Variants in FBXL17 observed in about 807,000 individuals in gnomAD.
FBXL17 encodes F-box and leucine rich repeat protein 17, also known as F-box/LRR-repeat protein 17.
In FBXL17, 22 loss-of-function variants were observed where a neutral mutation model predicts 66.2. The ratio of observed to expected loss-of-function variants is 0.33; its 90% CI spans 0.24 to 0.47. The LOEUF (loss-of-function observed/expected upper bound fraction) is 0.47, where lower values mean the gene tolerates loss of function less well. Ranked by LOEUF, FBXL17 falls within the 20% of genes least tolerant of loss-of-function variation. The pLI is 1.00. For missense variants in FBXL17, 878 were observed against 948.2 expected (o/e 0.93, Z 0.97); for synonymous variants, 474 against 400.5 (o/e 1.18, Z -2.19).
At chr5:108,151,555 G>C (rs1451026709) in intron 6 of FBXL17, among the ~76,000 whole-genome samples, 1 of 152,092 alleles carries the variant, frequency 6.6e-6, no homozygotes, top group Non-Finnish European at 1.5e-5. Flanking sequence ...AAGTCAAGAG[G>C]GCAATTCAAG....
chr5:108,380,303 T>C (rs1437059954), intron 1 of FBXL17, among the ~76,000 whole-genome samples: 1 of 152,208 alleles, frequency 6.6e-6, no homozygotes, highest in Non-Finnish European at 1.5e-5. Context: ...CTACCAGCCA[T>C]CAAACATGAA....
chr5:108,028,958 G>C (rs1275289405), intron 6 of FBXL17, among the ~76,000 whole-genome samples: 1 of 152,082 alleles, frequency 6.6e-6, no homozygotes, highest in Non-Finnish European at 1.5e-5. Flanking sequence ...TACCTAATTT[G>C]ATGCCTTTGA....
At chr5:108,254,407 A>T (rs140251958) in intron 4 of FBXL17, among the ~76,000 whole-genome samples, 141 of 152,282 alleles carry the variant, frequency 9.3e-4, no homozygotes, top group African/African-American at 3.3e-3. Context: ...GTCAATTCCC[A>T]ACTATACAGA....
intron 6 of FBXL17, among the ~76,000 whole-genome samples, chr5:108,078,892 C>T (rs1010070770): frequency 6.6e-6 from 1 of 152,138 alleles, no homozygotes; most frequent in African/African-American, 2.4e-5. Flanking sequence ...AAACTGTATG[C>T]CTTTTCTCTT....
chr5:108,137,911 A>G (rs1751204328), intron 6 of FBXL17, among the ~76,000 whole-genome samples: 2 of 152,200 alleles, frequency 1.3e-5, no homozygotes, highest in African/African-American at 4.8e-5. Flanking sequence ...ATCTGGGCAC[A>G]ACACTTCCAA....
intron 7 of FBXL17, among the ~76,000 whole-genome samples, chr5:107,980,665 T>TATATATATATATATGTGTATATATA (rs1363335386): frequency 1.3e-5 from 1 of 79,180 alleles, no homozygotes; most frequent in African/African-American, 9.0e-5. Flanking sequence ...TATATATATA[T>TATATATATATATATGTGTATATATA]TTTTTTTTTG....
intron 6 of FBXL17, among the ~76,000 whole-genome samples, chr5:108,140,236 G>C (rs1196271266): frequency 6.6e-6 from 1 of 152,080 alleles, no homozygotes; most frequent in East Asian, 1.9e-4. Flanking sequence ...TGTACAGATG[G>C]GGTCTCACTA....
chr5:108,085,593 C>G (rs1042488330), intron 6 of FBXL17, among the ~76,000 whole-genome samples: 1 of 152,190 alleles, frequency 6.6e-6, no homozygotes, highest in Non-Finnish European at 1.5e-5. Context: ...GGGCTCAGAA[C>G]ATGACACCTC....
chr5:108,230,584 G>C (rs1224442425), intron 4 of FBXL17, among the ~76,000 whole-genome samples: 5 of 152,086 alleles, frequency 3.3e-5, no homozygotes, highest in Non-Finnish European at 5.9e-5. Context: ...GGGTAGGAGG[G>C]GGGTAAGGGA....
chr5:108,232,170 AATTTT>A (rs1253687765), intron 4 of FBXL17, among the ~76,000 whole-genome samples: 31 of 152,220 alleles, frequency 2.0e-4, no homozygotes, highest in Admixed American at 1.2e-3. Context: ...AAAATAGCTT[AATTTT>A]ATTTCCTTTT....
chr5:108,151,202 G>A (rs560868357), intron 6 of FBXL17, among the ~76,000 whole-genome samples: 2 of 151,854 alleles, frequency 1.3e-5, no homozygotes, highest in Non-Finnish European at 2.9e-5. Flanking sequence ...CTTGCTTCAC[G>A]GCTCCTATAT....
At chr5:108,367,277 A>G (rs764469340) in intron 2 of FBXL17, among the ~76,000 whole-genome samples, 6 of 152,122 alleles carry the variant, frequency 3.9e-5, no homozygotes, top group Non-Finnish European at 7.4e-5. Flanking sequence ...GCCCCTATAT[A>G]AACACATTAG....
At chr5:108,067,520 T>TTGAGGGAAAC (rs1401078682) in intron 6 of FBXL17, among the ~76,000 whole-genome samples, 8 of 152,290 alleles carry the variant, frequency 5.3e-5, no homozygotes, top group African/African-American at 1.9e-4. Context: ...ATCTATGAGC[T>TTGAGGGAAAC]TGAGGGCCTC....
chr5:108,032,497 G>A (rs575360594), intron 6 of FBXL17, among the ~76,000 whole-genome samples: 1 of 152,080 alleles, frequency 6.6e-6, no homozygotes, highest in Non-Finnish European at 1.5e-5. Context: ...GGATTATCTG[G>A]GTGGGCTGTA....
intron 4 of FBXL17, among the ~76,000 whole-genome samples, chr5:108,288,907 A>G (rs1365267169): frequency 6.6e-6 from 1 of 152,128 alleles, no homozygotes; most frequent in Non-Finnish European, 1.5e-5. Context: ...ACTTGAATGA[A>G]GTAAAACTAC....
intron 4 of FBXL17, among the ~76,000 whole-genome samples, chr5:108,304,421 A>T (rs1356127386): frequency 6.6e-6 from 1 of 151,960 alleles, no homozygotes; most frequent in Non-Finnish European, 1.5e-5. Flanking sequence ...TATCATGAAA[A>T]GTTTCCTGAA....
chr5:108,262,942 G>C (rs1397625266), intron 4 of FBXL17, among the ~76,000 whole-genome samples: 1 of 152,052 alleles, frequency 6.6e-6, no homozygotes, highest in East Asian at 1.9e-4. Flanking sequence ...AGTTGGTAAA[G>C]GTTATACAAG....
intron 4 of FBXL17, among the ~76,000 whole-genome samples, chr5:108,308,831 G>A (rs1236020091): frequency 2.6e-5 from 4 of 151,980 alleles, no homozygotes; most frequent in Admixed American, 2.0e-4. Flanking sequence ...CTAACATATG[G>A]TTTAGAATAG....
rs537657319 is a variant in FBXL17, at chr5:108,058,981, T to TC, written c.1746-37981dup. Among the ~76,000 whole-genome samples, 550 of 152,272 alleles carry TC rather than the reference T, an allele frequency of 3.6e-3. 5 individuals are homozygous for TC. The highest frequency in any genetic ancestry group is 0.014 in the Middle Eastern group (4 of 294). On this transcript the variant is annotated intron_variant, in intron 6 of 8. Coordinates refer to ENST00000542267, the MANE Select transcript of FBXL17 (RefSeq NM_001163315.3). ...ACTTTCTGCACAAAACAGGTAGACTTCATTCAAATCATTCTGGAACCCTCA... is the reference window on the plus strand; with the variant it reads ...ACTTTCTGCACAAAACAGGTAGACTTCCATTCAAATCATTCTGGAACCCTCA...
Sources: allele counts gnomAD v4.1 joint callset (sites outside exome capture counted in the v4.1 genomes callset), GRCh38; gene constraint gnomAD v4.1.1; transcripts MANE v1.5; gene names NCBI Gene and HGNC (gene_info 2026-07-23, HGNC 2026-07-21).